Variants in GNG7 observed in about 807,000 individuals in gnomAD.
The protein encoded by GNG7 is guanine nucleotide-binding protein G(I)/G(S)/G(O) subunit gamma-7.
GNG7 carries 1 observed loss-of-function variant against 4.0 expected under a neutral mutation model. The observed-to-expected ratio is 0.25, with a 90% CI of 0.09 to 1.18. The LOEUF (loss-of-function observed/expected upper bound fraction) is 1.18. Among genes scored for constraint, GNG7 ranks in the 50% most tolerant of loss-of-function variants. GNG7 has a pLI of 0.50. For missense variants in GNG7, 86 were observed against 91.9 expected (o/e 0.94, Z 0.26); for synonymous variants, 34 against 36.9 (o/e 0.92, Z 0.29).
intron 2 of GNG7, among the ~76,000 whole-genome samples, chr19:2,637,398 C>A (rs1258352617): frequency 1.3e-5 from 2 of 151,902 alleles, no homozygotes; most frequent in Non-Finnish European, 2.9e-5. Flanking sequence ...GAGACCCCCG[C>A]AGGCGCCTGC....
intron 2 of GNG7, chr19:2,630,729 A>C (rs1982138519): frequency 6.6e-6 from 1 of 151,580 alleles, no homozygotes; most frequent in Admixed American, 6.6e-5. Context: ...AGAAGTTTGG[A>C]CATAGTGTGG....
Position 2,661,138 on chromosome 19 carries a change from G to A in GNG7, c.-134-14858C>T, listed in dbSNP as rs1282367061. 3.3e-5 allele frequency among the ~76,000 whole-genome samples: 5 copies of A among 150,674 alleles called. No individual in the cohort carries two copies. The East Asian group carries it at 9.8e-4, about 30-fold the overall frequency. On this transcript the variant is annotated intron_variant, in intron 1 of 4. Transcript: ENST00000382159. Reference sequence around the variant, plus strand: ...AGACAGGAGAATTACTTGAACCTGGGAGGCGGAGGTTGCAGTGAGCCAAGA... The same window carrying A: ...AGACAGGAGAATTACTTGAACCTGGAAGGCGGAGGTTGCAGTGAGCCAAGA...
intron 2 of GNG7, chr19:2,643,935 TGAAGTC>T: frequency 3.8e-6 from 1 of 260,030 alleles, no homozygotes; most frequent in Non-Finnish European, 7.6e-6. Context: ...TTGTACAATA[TGAAGTC>T]CTTTACATTT....
intron 2 of GNG7, among the ~76,000 whole-genome samples, chr19:2,622,579 G>C (rs1302338582): frequency 7.1e-6 from 1 of 141,450 alleles, no homozygotes. Context: ...CGCGAGCAAC[G>C]CGGCAGAGAG....
At chr19:2,555,860 CA>C (rs1979525653) in intron 2 of GNG7, among the ~76,000 whole-genome samples, 1 of 152,268 alleles carries the variant, frequency 6.6e-6, no homozygotes, top group South Asian at 2.1e-4. Context: ...GGACCCTGCA[CA>C]GGGCCAGGCC....
chr19:2,663,925 C>G (rs114825058), intron 1 of GNG7, among the ~76,000 whole-genome samples: 1 of 152,168 alleles, frequency 6.6e-6, no homozygotes, highest in Non-Finnish European at 1.5e-5. Context: ...CTGGTCTCCA[C>G]CTACTCCAGG....
intron 2 of GNG7, among the ~76,000 whole-genome samples, chr19:2,592,478 T>C (rs1451534624): frequency 3.3e-5 from 5 of 152,124 alleles, no homozygotes; most frequent in Non-Finnish European, 5.9e-5. Context: ...CTCATGCCTG[T>C]AATCCCAGCA....
intron 1 of GNG7, among the ~76,000 whole-genome samples, chr19:2,699,758 G>A (rs1044238444): frequency 2.0e-5 from 3 of 152,240 alleles, no homozygotes; most frequent in African/African-American, 7.2e-5. Context: ...GCACCCTGCA[G>A]TGCCCAGAAG....
At chr19:2,522,742 ACT>A (rs1177134566) in intron 3 of GNG7, among the ~76,000 whole-genome samples, 1 of 73,340 alleles carries the variant, frequency 1.4e-5, no homozygotes, top group Non-Finnish European at 2.5e-5. Flanking sequence ...ACAGAGTGAG[ACT>A]CTGTCTCAAA....
intron 3 of GNG7, among the ~76,000 whole-genome samples, chr19:2,531,823 G>A (rs1451827325): frequency 2.0e-5 from 3 of 150,326 alleles, no homozygotes; most frequent in South Asian, 2.1e-4. Flanking sequence ...TAAGACATAC[G>A]AGGAGCCAGG....
rs554410870 is a variant in GNG7, at chr19:2,627,443, G to A, written c.-78+18781C>T. Among the ~76,000 whole-genome samples the A allele has an allele frequency of 2.2e-4, 34 of 152,286 alleles. No individual in the cohort carries two copies. In the Middle Eastern group the frequency reaches 0.01, roughly 46 times the overall value. On this transcript the variant is annotated intron_variant, in intron 2 of 4. Coordinates refer to ENST00000382159, the MANE Select transcript of GNG7 (RefSeq NM_052847.3). Reference sequence around the variant, plus strand: ...GCCTCTCCTCCCACTTCCTCCGGGCGCCTGTCCTCTGCACCTGCATCCTCT... The same window carrying A: ...GCCTCTCCTCCCACTTCCTCCGGGCACCTGTCCTCTGCACCTGCATCCTCT...
At chr19:2,694,285 G>T (rs1913195224) in intron 1 of GNG7, among the ~76,000 whole-genome samples, 1 of 151,566 alleles carries the variant, frequency 6.6e-6, no homozygotes, top group African/African-American at 2.4e-5. Flanking sequence ...TAGTTTTTAG[G>T]GGAAAAAAAA....
At chr19:2,543,940 T>C (rs903176311) in intron 3 of GNG7, among the ~76,000 whole-genome samples, 7 of 152,128 alleles carry the variant, frequency 4.6e-5, no homozygotes, top group Non-Finnish European at 1.0e-4. Flanking sequence ...GCTTTATAGC[T>C]CGCAGAGCTC....
chr19:2,543,232 T>C (rs1979021637), intron 3 of GNG7, among the ~76,000 whole-genome samples: 1 of 150,032 alleles, frequency 6.7e-6, no homozygotes, highest in Admixed American at 6.7e-5. Flanking sequence ...TTTTTTTTTT[T>C]TTTTTTGACA....
intron 1 of GNG7, among the ~76,000 whole-genome samples, chr19:2,663,202 C>T (rs1175782173): frequency 1.3e-5 from 2 of 152,036 alleles, no homozygotes; most frequent in Admixed American, 6.6e-5. Context: ...AATGTGTCTC[C>T]CAAAAAGCAT....
intron 2 of GNG7, among the ~76,000 whole-genome samples, chr19:2,598,440 G>A (rs1302233901): frequency 6.6e-6 from 1 of 151,264 alleles, no homozygotes; most frequent in South Asian, 2.1e-4. Context: ...GGCGGATCAC[G>A]AGGTCAGGAG....
intron 2 of GNG7, among the ~76,000 whole-genome samples, chr19:2,585,011 A>AAG (rs1980625077): frequency 5.2e-3 from 125 of 24,142 alleles, no homozygotes; most frequent in African/African-American, 9.8e-3. Context: ...AAGGAAGGAA[A>AAG]GAAGGAAGGA....
chr19:2,583,437 G>C (rs980882328), intron 2 of GNG7, among the ~76,000 whole-genome samples: 1 of 152,202 alleles, frequency 6.6e-6, no homozygotes, highest in Non-Finnish European at 1.5e-5. Context: ...TGAGGTTGGG[G>C]AGGACCAAGA....
intron 2 of GNG7, among the ~76,000 whole-genome samples, chr19:2,590,497 C>CTGTT (rs1464365018): frequency 1.3e-5 from 2 of 151,792 alleles, no homozygotes; most frequent in Non-Finnish European, 2.9e-5. Flanking sequence ...ATCCATCCAT[C>CTGTT]CATCCATCCA....
Sources: allele counts gnomAD v4.1 joint callset (sites outside exome capture counted in the v4.1 genomes callset), GRCh38; gene constraint gnomAD v4.1.1; transcripts MANE v1.5; gene names NCBI Gene and HGNC (gene_info 2026-07-23, HGNC 2026-07-21).